The following MIB1 variants were observed in gnomAD, a reference collection of about 807,000 sequenced individuals.
MIB1 encodes the protein E3 ubiquitin-protein ligase MIB1.
Under a neutral mutation model 124.5 loss-of-function variants are expected in MIB1, and 278 were observed. That is an observed-to-expected ratio of 2.23 (90% confidence interval 2.02 to 2.47). MIB1 has a LOEUF of 2.47. MIB1 is among the 30% of genes most tolerant of loss of function. MIB1 has a pLI of 0.00. For synonymous variants in MIB1, 446 were observed against 429.4 expected (o/e 1.04, Z -0.48); for missense variants, 957 against 1,254.4 (o/e 0.76, Z 3.58).
At position 21,868,608 on chromosome 18, in the gene MIB1, A is replaced by C. The variant is rs542747410; in HGVS notation, c.*3942A>C. 6.6e-6 allele frequency: 1 copy of C among 152,426 alleles called. No individual in the cohort carries two copies. Among genetic ancestry groups the C allele is most frequent in the Non-Finnish European group, 1.5e-5 (1 of 67,872 alleles). 9.4% of individuals were successfully genotyped at this position (152,426 alleles called of 1,614,324 possible). ...TATGTGTGCCTTGTTGGAAGTGTCA[A>C]CTGTCTTTATGTCTGCTTGTAAAAG... On this transcript the variant is annotated 3_prime_UTR_variant, in exon 21 of 21. Coordinates refer to ENST00000261537, the MANE Select transcript of MIB1 (RefSeq NM_020774.4).
intron 1 of MIB1, among the ~76,000 whole-genome samples, chr18:21,756,515 A>C (rs937374368): frequency 7.9e-5 from 12 of 151,912 alleles, no homozygotes; most frequent in Non-Finnish European, 1.2e-4. Flanking sequence ...CCCAGGCTGG[A>C]GTGCGGTGGT....
intron 1 of MIB1, among the ~76,000 whole-genome samples, chr18:21,732,472 C>T (rs2040776439): frequency 6.6e-6 from 1 of 151,832 alleles, no homozygotes; most frequent in East Asian, 1.9e-4. Context: ...TCTAGGCTTA[C>T]TGCAACCTCC....
chr18:21,759,645 A>G (rs2041076116), intron 1 of MIB1, among the ~76,000 whole-genome samples: 1 of 152,134 alleles, frequency 6.6e-6, no homozygotes, highest in Admixed American at 6.5e-5. Flanking sequence ...TTGTATCCCT[A>G]ATATATGTAT....
intron 1 of MIB1, among the ~76,000 whole-genome samples, chr18:21,760,365 C>G (rs577675776): frequency 5.6e-4 from 85 of 152,218 alleles, no homozygotes; most frequent in Non-Finnish European, 1.0e-3. Context: ...TCTTTAAATA[C>G]CAACTTTTGT....
At chr18:21,732,351 T>TACACACACACACACACACACAC (rs59731612) in intron 1 of MIB1, among the ~76,000 whole-genome samples, 8 of 141,058 alleles carry the variant, frequency 5.7e-5, no homozygotes, top group East Asian at 2.1e-4. Context: ...ATTATATGTA[T>TACACACACACACACACACACAC]ACACACACAC....
At chr18:21,753,993 G>C (rs2041003598) in intron 1 of MIB1, among the ~76,000 whole-genome samples, 1 of 152,146 alleles carries the variant, frequency 6.6e-6, no homozygotes, top group Non-Finnish European at 1.5e-5. Flanking sequence ...GTGCATTTCT[G>C]ATGGATGTAT....
intron 19 of MIB1, 47 bp from the exon 20 acceptor site, chr18:21,858,499 C>T (rs1182994830): frequency 3.7e-6 from 3 of 817,524 alleles, no homozygotes; most frequent in East Asian, 5.0e-5. Flanking sequence ...AAATGTCATT[C>T]TGTCAAAGCA....
chr18:21,740,168 G>C (rs2040828728), upstream of MIB1, among the ~76,000 whole-genome samples: 1 of 152,154 alleles, frequency 6.6e-6, no homozygotes, highest in African/African-American at 2.4e-5. Flanking sequence ...AATGTCATTT[G>C]AATAACGGCA....
chr18:21,791,181 A>T (rs2041498391), intron 6 of MIB1, among the ~76,000 whole-genome samples, 193 bp from the exon 7 acceptor site: 2 of 141,422 alleles, frequency 1.4e-5, no homozygotes, highest in Admixed American at 7.1e-5. Flanking sequence ...GACTCTGTCT[A>T]AAAAAAAAAA....
upstream of MIB1, among the ~76,000 whole-genome samples, chr18:21,736,378 GA>G (rs1450910215): frequency 2.6e-5 from 4 of 152,256 alleles, no homozygotes; most frequent in Admixed American, 6.5e-5. Flanking sequence ...CATCAAAGAC[GA>G]AAGGTAGATA....
rs765597017 is a variant in MIB1, at chr18:21,741,781, C to G, written c.198C>G (p.Tyr66Ter). The G allele has an allele frequency of 3.7e-6, 6 of 1,607,710 alleles. No homozygotes were observed. Among genetic ancestry groups the G allele is most frequent in the Non-Finnish European group, 5.1e-6 (6 of 1,177,932 alleles). Residue 66 changes from tyrosine to a stop codon, truncating the protein, a stop_gained, in exon 1 of 21, where the codon TAC becomes TAG. Coordinates refer to ENST00000261537, the MANE Select transcript of MIB1 (RefSeq NM_020774.4). LOFTEE classifies it high-confidence loss of function. This position sits in a 1 kb window ranked among gnomAD's most constrained non-coding sequence, Gnocchi z 5.4. ...CCAACTACCGCTGCTCCGGGGCTTACGACCTCCGCATCCTGGACAGCGCGC... is the reference window on the plus strand; with the variant it reads ...CCAACTACCGCTGCTCCGGGGCTTAGGACCTCCGCATCCTGGACAGCGCGC... The part of the protein sequence containing the change: ...TAANYRCSGA[Y>*]DLRILDSAPT...
chr18:21,787,985 A>C, intron 6 of MIB1, among the ~76,000 whole-genome samples: 1 of 152,106 alleles, frequency 6.6e-6, no homozygotes. Context: ...TCTACATCCT[A>C]TAAATACTGA....
rs45620231 is a variant in MIB1, at chr18:21,868,746, C to CAT, written c.*4088_*4089dup. 125 of 152,458 alleles carry CAT rather than the reference C, an allele frequency of 8.2e-4. No homozygotes were observed. Among genetic ancestry groups the CAT allele is most frequent in the Admixed American group, 2.7e-3 (41 of 15,260 alleles). 9.4% of individuals were successfully genotyped at this position (152,458 alleles called of 1,614,324 possible). Reference sequence around the variant, plus strand: ...GTCATATATAGCCTAGGAAATTTAACATATATATAACTATAGCAGTATTAA... The same window carrying CAT: ...GTCATATATAGCCTAGGAAATTTAACATATATATATAACTATAGCAGTATTAA... On this transcript the variant is annotated 3_prime_UTR_variant, in exon 21 of 21. Coordinates refer to ENST00000261537, the MANE Select transcript of MIB1 (RefSeq NM_020774.4).
chr18:21,854,690 G>T (rs568494695), intron 18 of MIB1: 30 of 195,002 alleles, frequency 1.5e-4, no homozygotes, highest in African/African-American at 6.0e-4. Flanking sequence ...TTTTCACGAC[G>T]ACATTCTGCT....
chr18:21,794,540 GTAATTT>G (rs1202037995), intron 7 of MIB1, among the ~76,000 whole-genome samples: 1 of 151,552 alleles, frequency 6.6e-6, no homozygotes, highest in Non-Finnish European at 1.5e-5. Flanking sequence ...ATGAAAATTT[GTAATTT>G]TAGAAAAATT....
intron 12 of MIB1, among the ~76,000 whole-genome samples, chr18:21,823,047 A>C (rs2041892923): frequency 6.6e-6 from 1 of 152,078 alleles, no homozygotes; most frequent in South Asian, 2.1e-4. Context: ...CAGCCTGGCC[A>C]ACATTGTGAA....
At chr18:21,845,513 T>C (rs1407536892) in intron 15 of MIB1, among the ~76,000 whole-genome samples, 1 of 152,230 alleles carries the variant, frequency 6.6e-6, no homozygotes, top group African/African-American at 2.4e-5. Flanking sequence ...TTTAGGTCTA[T>C]GATTCTTTTT....
At chr18:21,796,976 CT>C (rs987295270) in intron 7 of MIB1, among the ~76,000 whole-genome samples, 5 of 152,070 alleles carry the variant, frequency 3.3e-5, no homozygotes, top group Admixed American at 2.6e-4. Context: ...AAAACATGTA[CT>C]TGTGGACTTT....
At position 21,765,942 on chromosome 18, in the gene MIB1, A is replaced by AG; in HGVS notation, c.401+1dup. ...CCGAATTACTACACCGGGAAGTGAGAGGTAGGGAGAACCCTTTTCTTCTTC... is the reference window on the plus strand; with the variant it reads ...CCGAATTACTACACCGGGAAGTGAGAGGGTAGGGAGAACCCTTTTCTTCTTC... On this transcript the variant is annotated frameshift_variant and splice_region_variant, in exon 2 of 21. Transcript: ENST00000261537. LOFTEE classifies it high-confidence loss of function. 6.2e-7 allele frequency: 1 copy of AG among 1,613,890 alleles called. No homozygotes were observed. Among genetic ancestry groups the AG allele is most frequent in the Non-Finnish European group, 8.5e-7 (1 of 1,179,778 alleles).
Sources: allele counts gnomAD v4.1 joint callset (sites outside exome capture counted in the v4.1 genomes callset), GRCh38; gene constraint gnomAD v4.1.1; non-coding constraint Gnocchi (gnomAD v3.1); transcripts MANE v1.5; gene names NCBI Gene and HGNC (gene_info 2026-07-23, HGNC 2026-07-21).